The following OSBPL1A variants were observed in gnomAD, a reference collection of about 807,000 sequenced individuals.
The protein encoded by OSBPL1A is oxysterol-binding protein-related protein 1.
OSBPL1A carries 80 observed loss-of-function variants against 137.1 expected under a neutral mutation model. The observed-to-expected ratio is 0.58, with a 90% CI of 0.49 to 0.70. OSBPL1A has a LOEUF of 0.70. Ranked by LOEUF, OSBPL1A falls within the 30% of genes least tolerant of loss-of-function variation. The pLI is 0.00. For synonymous variants in OSBPL1A, 365 were observed against 389.7 expected, an observed-to-expected ratio of 0.94 and a Z score of 0.75; for missense variants, 970 against 1,129.4, an observed-to-expected ratio of 0.86 and a Z score of 2.02.
In OSBPL1A at chr18:24,328,137, C is replaced by A. The variant is rs371716378; in HGVS notation, c.625+4805G>T. Among the ~76,000 whole-genome samples the A allele has an allele frequency of 1.8e-4, 26 of 145,830 alleles. 1 individual carries two copies. The highest frequency in any genetic ancestry group is 6.4e-4 in the African/African-American group (25 of 39,216). On this transcript the variant is annotated intron_variant, in intron 7 of 27. Coordinates refer to ENST00000319481, the MANE Select transcript of OSBPL1A (RefSeq NM_080597.4). ...GCTCACTGCAACCTTCACCTCCTGG[C>A]TTCAAGCAGTTCTTCTGCCTCAGCC...
At chr18:24,255,806 G>A (rs970171280) in intron 15 of OSBPL1A, among the ~76,000 whole-genome samples, 1 of 150,468 alleles carries the variant, frequency 6.6e-6, no homozygotes, top group African/African-American at 2.4e-5. Context: ...GCCCAGGCTG[G>A]AGTGCAGTGG....
At chr18:24,328,041 T>C (rs1487228865) in intron 7 of OSBPL1A, among the ~76,000 whole-genome samples, 1 of 134,104 alleles carries the variant, frequency 7.5e-6, no homozygotes. Flanking sequence ...TCACACTTTT[T>C]TTTTTTTTTT....
At chr18:24,180,867 ACT>A (rs1449156915) in intron 19 of OSBPL1A, among the ~76,000 whole-genome samples, 3 of 150,878 alleles carry the variant, frequency 2.0e-5, no homozygotes, top group Non-Finnish European at 4.4e-5. Flanking sequence ...ACAGAGCGAG[ACT>A]CTGTCTCACA....
At chr18:24,209,367 A>G (rs1334572805) in intron 17 of OSBPL1A, among the ~76,000 whole-genome samples, 2 of 152,262 alleles carry the variant, frequency 1.3e-5, no homozygotes, top group African/African-American at 2.4e-5. Flanking sequence ...AGAACAAGGT[A>G]CCATGTCATA....
intron 18 of OSBPL1A, among the ~76,000 whole-genome samples, chr18:24,182,003 C>T (rs2086619434): frequency 6.6e-6 from 1 of 152,134 alleles, no homozygotes; most frequent in African/African-American, 2.4e-5. Flanking sequence ...CTTGTAACAA[C>T]GGGCTAAGGA....
intron 18 of OSBPL1A, among the ~76,000 whole-genome samples, chr18:24,189,930 G>T (rs1049208705): frequency 6.6e-6 from 1 of 152,246 alleles, no homozygotes; most frequent in South Asian, 2.1e-4. Context: ...GGGAAAAGGC[G>T]GTGTGTTCAT....
intron 1 of OSBPL1A, among the ~76,000 whole-genome samples, chr18:24,391,793 C>T (rs745877136): frequency 1.3e-5 from 2 of 152,172 alleles, no homozygotes; most frequent in Non-Finnish European, 2.9e-5. Flanking sequence ...ATGTTATGTA[C>T]ATTTTATCAC....
rs1350792611 is a variant in OSBPL1A at position 24,371,408 on chromosome 18, G to A, written c.122-3036C>T. Among the ~76,000 whole-genome samples the A allele has an allele frequency of 4.0e-5, 6 of 151,874 alleles. No homozygotes were observed. The East Asian group carries it at 5.8e-4, about 15-fold the overall frequency. Reference sequence around the variant, plus strand: ...AAACAGCTTTCATAGAATTCCCTGGGCTTCCAGCACCAAATCAACCATCCC... The same window carrying A: ...AAACAGCTTTCATAGAATTCCCTGGACTTCCAGCACCAAATCAACCATCCC... On this transcript the variant is annotated intron_variant, in intron 2 of 27. Transcript: ENST00000319481.
chr18:24,177,338 C>A (rs1339444473), intron 21 of OSBPL1A, among the ~76,000 whole-genome samples: 1 of 152,164 alleles, frequency 6.6e-6, no homozygotes. Flanking sequence ...GCCTCTAATC[C>A]CCAGTTCTGC....
chr18:24,167,522 C>CAAA lies in OSBPL1A; in HGVS notation c.2419-78_2419-77insTTT, dbSNP rs553988551. ...GTCAAGCACCACATAATGACATTTT[C>CAAA]AGTCAACAACAGACTGTAAATATGA... is the stretch of plus-strand genomic sequence containing the variant. On this transcript the variant is annotated intron_variant, in intron 24 of 27. Coordinates refer to ENST00000319481, the MANE Select transcript of OSBPL1A (RefSeq NM_080597.4). The CAAA allele has an allele frequency of 1.4e-3, 1,546 of 1,143,234 alleles. 4 individuals carry two copies. Among genetic ancestry groups the CAAA allele is most frequent in the South Asian group, 2.2e-3 (176 of 80,636 alleles). The allele number at this position is 1,143,234 out of a possible 1,614,324, so 70.8% of individuals were successfully genotyped here.
At chr18:24,357,016 A>G (rs1362190787) in intron 4 of OSBPL1A, 1 of 152,244 alleles carries the variant, frequency 6.6e-6, no homozygotes, top group African/African-American at 2.4e-5. Flanking sequence ...CATGGACAAG[A>G]GTATACATGT....
At chr18:24,368,128 T>A (rs557440623) in intron 3 of OSBPL1A, 159 bp downstream of exon 3, 1 of 470,212 alleles carries the variant, frequency 2.1e-6, no homozygotes. Flanking sequence ...ACCTAATTCA[T>A]GTATTTATTT....
chr18:24,315,599 TTA>T (rs1446838172), intron 11 of OSBPL1A, among the ~76,000 whole-genome samples: 5 of 134,214 alleles, frequency 3.7e-5, no homozygotes, highest in Non-Finnish European at 6.2e-5. Context: ...ATTAATATTA[TTA>T]TATATTATAA....
At chr18:24,242,123 T>C (rs2088716121) in intron 15 of OSBPL1A, among the ~76,000 whole-genome samples, 1 of 149,044 alleles carries the variant, frequency 6.7e-6, no homozygotes, top group Non-Finnish European at 1.5e-5. Flanking sequence ...CTGGGGCCTG[T>C]TGGGGGGTGG....
chr18:24,250,152 G>GTTT (rs776133576), intron 15 of OSBPL1A, among the ~76,000 whole-genome samples: 1 of 71,954 alleles, frequency 1.4e-5, no homozygotes, highest in African/African-American at 4.5e-5. Context: ...GCGTTTGTGT[G>GTTT]TTTTTGTTTG....
chr18:24,269,090 C>A (rs1402702754), intron 15 of OSBPL1A, among the ~76,000 whole-genome samples: 1 of 152,268 alleles, frequency 6.6e-6, no homozygotes, highest in South Asian at 2.1e-4. Flanking sequence ...TGCTCTGCAT[C>A]CCCCTTTCCT....
chr18:24,260,397 T>C (rs546173618), intron 15 of OSBPL1A, among the ~76,000 whole-genome samples: 2 of 152,044 alleles, frequency 1.3e-5, no homozygotes, highest in Non-Finnish European at 2.9e-5. Flanking sequence ...AGCCAAAAGG[T>C]AGAAACAGCC....
At chr18:24,296,363 G>C (rs978164346) in intron 14 of OSBPL1A, among the ~76,000 whole-genome samples, 1 of 152,110 alleles carries the variant, frequency 6.6e-6, no homozygotes, top group Non-Finnish European at 1.5e-5. Flanking sequence ...TGTAACCTGA[G>C]ACTTTATTGA....
chr18:24,301,886 T>C (rs568357638), intron 14 of OSBPL1A, among the ~76,000 whole-genome samples: 4 of 152,332 alleles, frequency 2.6e-5, no homozygotes, highest in African/African-American at 7.2e-5. Context: ...TCTGGAAATA[T>C]AGAAACTGAA....
Sources: gnomAD v4.1 joint callset for allele counts (sites outside exome capture counted in the v4.1 genomes callset) on GRCh38, gnomAD v4.1.1 for gene constraint, MANE v1.5 for transcripts, NCBI Gene and HGNC (gene_info 2026-07-23, HGNC 2026-07-21) for gene names.